PTPN5: variants seen among roughly 807,000 people sequenced by gnomAD.
PTPN5 encodes tyrosine-protein phosphatase non-receptor type 5.
A neutral mutation model predicts 73.9 loss-of-function variants in PTPN5; 29 were observed. That is an observed-to-expected ratio of 0.39 (90% confidence interval 0.29 to 0.54). PTPN5 has a LOEUF of 0.54. Ranked by LOEUF, PTPN5 falls within the 20% of genes least tolerant of loss-of-function variation. The pLI is 0.65. For missense variants in PTPN5, 652 were observed against 751.4 expected (o/e 0.87, Z 1.55); for synonymous variants, 267 against 304.7 (o/e 0.88, Z 1.29).
At position 18,742,018 on chromosome 11, in the gene PTPN5, A is replaced by G. The variant is rs1849385966; in HGVS notation, c.725+244T>C. Among the ~76,000 whole-genome samples, 4 of 152,246 alleles carry G rather than the reference A, an allele frequency of 2.6e-5. No homozygotes were observed. Among genetic ancestry groups the G allele is most frequent in the Admixed American group, 6.5e-5 (1 of 15,284 alleles). On this transcript the variant is annotated intron_variant, in intron 7 of 14. Coordinates refer to ENST00000358540, the MANE Select transcript of PTPN5 (RefSeq NM_006906.2). This position sits in a 1 kb window ranked among gnomAD's most constrained non-coding sequence, Gnocchi z 4.1. ...GAAAACCACCCAAACTTACTTGAGCATGGGAGAGTGTGTGTGAACATGTGT... is the reference window on the plus strand; with the variant it reads ...GAAAACCACCCAAACTTACTTGAGCGTGGGAGAGTGTGTGTGAACATGTGT...
intron 1 of PTPN5, among the ~76,000 whole-genome samples, chr11:18,775,665 GC>G (rs1407045352): frequency 6.6e-6 from 1 of 152,172 alleles, no homozygotes; most frequent in African/African-American, 2.4e-5. Context: ...CTGGCCCAGG[GC>G]CCAGAAGCCA....
chr11:18,733,104 A>T lies in PTPN5; in HGVS notation c.1218+131T>A. ...ATGACTTAACCTTACCGAGCCTCAC[A>T]TCTCCTCATCTTGGCAGCGGAGTGA... On this transcript the variant is annotated intron_variant, in intron 11 of 14. Transcript: ENST00000358540. The surrounding 1 kb of genome is among the most constrained non-coding windows in gnomAD (Gnocchi z 4.3). 1 of 1,366,338 alleles carries T rather than the reference A, an allele frequency of 7.3e-7. No individual in the cohort carries two copies. Among genetic ancestry groups the T allele is most frequent in the Non-Finnish European group, 1.0e-6 (1 of 1,001,380 alleles). 84.6% of individuals were successfully genotyped at this position (1,366,338 alleles called of 1,614,324 possible).
intron 1 of PTPN5, among the ~76,000 whole-genome samples, chr11:18,775,277 A>G (rs1337231407): frequency 6.6e-6 from 1 of 152,244 alleles, no homozygotes; most frequent in African/African-American, 2.4e-5. Flanking sequence ...AAGAGACAGC[A>G]TATCATGGCA....
chr11:18,729,934 G>A lies in PTPN5; in HGVS notation c.1330-116C>T. On this transcript the variant is annotated intron_variant, in intron 12 of 14. Coordinates refer to ENST00000358540, the MANE Select transcript of PTPN5 (RefSeq NM_006906.2). The surrounding 1 kb of genome is among the most constrained non-coding windows in gnomAD (Gnocchi z 5.2). ...AGAACACAGGAAGAACACTGAGAGT[G>A]GGACCCCTTCACCCTTCCATCTAGG... 2 of 1,362,166 alleles carry A rather than the reference G, an allele frequency of 1.5e-6. No homozygotes were observed. Among genetic ancestry groups the A allele is most frequent in the Non-Finnish European group, 2.1e-6 (2 of 965,014 alleles). The allele number at this position is 1,362,166 out of a possible 1,614,324, so 84.4% of individuals were successfully genotyped here. A position where few individuals can be genotyped will look rare whatever the true frequency, so the allele number is the denominator to read the frequency against.
At chr11:18,749,911 A>C (rs368248498) in intron 3 of PTPN5, among the ~76,000 whole-genome samples, 6 of 152,200 alleles carry the variant, frequency 3.9e-5, no homozygotes, top group African/African-American at 1.4e-4. Context: ...ATGAGAAAGC[A>C]AGCTCTGTCC....
At chr11:18,760,468 G>A (rs1253392757) in intron 3 of PTPN5, among the ~76,000 whole-genome samples, 1 of 152,218 alleles carries the variant, frequency 6.6e-6, no homozygotes, top group Non-Finnish European at 1.5e-5. Context: ...TACCCACAAT[G>A]ATACAGAGCA....
chr11:18,779,457 A>G (rs1369640898), intron 1 of PTPN5, among the ~76,000 whole-genome samples: 1 of 152,212 alleles, frequency 6.6e-6, no homozygotes, highest in Non-Finnish European at 1.5e-5. Context: ...AATTTAATAA[A>G]TAGCAGCTGC....
chr11:18,780,286 A>C (rs1851358854), intron 1 of PTPN5, among the ~76,000 whole-genome samples: 2 of 152,160 alleles, frequency 1.3e-5, no homozygotes, highest in African/African-American at 4.8e-5. Flanking sequence ...GAGCCCTAGG[A>C]AAGGGCGGGT....
At chr11:18,784,040 C>T (rs1239674572) in intron 1 of PTPN5, among the ~76,000 whole-genome samples, 1 of 152,174 alleles carries the variant, frequency 6.6e-6, no homozygotes, top group African/African-American at 2.4e-5. Flanking sequence ...CCTGGACTCT[C>T]TATTCCTAAG....
Position 18,742,207 on chromosome 11 carries a change from C to A in PTPN5, c.725+55G>T. 6.2e-7 allele frequency: 1 copy of A among 1,604,574 alleles called. No individual in the cohort carries two copies. Among genetic ancestry groups the A allele is most frequent in the South Asian group, 1.1e-5 (1 of 89,496 alleles). Reference sequence around the variant, plus strand: ...AGAGTCAGGCATCCACTCTTCTGATCAGGAGCTAAGAGCTCAAGGGCCCGT... The same window carrying A: ...AGAGTCAGGCATCCACTCTTCTGATAAGGAGCTAAGAGCTCAAGGGCCCGT... On this transcript the variant is annotated intron_variant, in intron 7 of 14. Coordinates refer to ENST00000358540, the MANE Select transcript of PTPN5 (RefSeq NM_006906.2). This position sits in a 1 kb window ranked among gnomAD's most constrained non-coding sequence, Gnocchi z 4.1.
At chr11:18,791,024 A>T (rs1288601680) in intron 1 of PTPN5, among the ~76,000 whole-genome samples, 1 of 151,690 alleles carries the variant, frequency 6.6e-6, no homozygotes, top group African/African-American at 2.4e-5. Flanking sequence ...GGGGGAGGGG[A>T]GCGCGCTAAG....
intron 3 of PTPN5, among the ~76,000 whole-genome samples, chr11:18,758,591 G>T (rs1388374184): frequency 1.3e-5 from 2 of 152,160 alleles, no homozygotes; most frequent in Non-Finnish European, 2.9e-5. Context: ...AAGCCACTAA[G>T]TGTTGAGATC....
At chr11:18,786,190 G>A (rs1041270833) in intron 1 of PTPN5, among the ~76,000 whole-genome samples, 1 of 126,898 alleles carries the variant, frequency 7.9e-6, no homozygotes, top group South Asian at 2.8e-4. Context: ...GTTAAAGAAT[G>A]GGGGGAATCT....
chr11:18,777,783 A>C (rs553881814), intron 1 of PTPN5, among the ~76,000 whole-genome samples: 1 of 152,244 alleles, frequency 6.6e-6, no homozygotes, highest in Admixed American at 6.5e-5. Context: ...CCATCTCACC[A>C]AAAAATAATA....
Position 18,733,200 on chromosome 11 carries a change from T to C in PTPN5, c.1218+35A>G, listed in dbSNP as rs1235991338. The C allele has an allele frequency of 6.2e-7, 1 of 1,600,378 alleles. No individual in the cohort carries two copies. The highest frequency in any genetic ancestry group is 1.3e-5 in the African/African-American group (1 of 74,836). On this transcript the variant is annotated intron_variant, in intron 11 of 14. Coordinates refer to ENST00000358540, the MANE Select transcript of PTPN5 (RefSeq NM_006906.2). This position sits in a 1 kb window ranked among gnomAD's most constrained non-coding sequence, Gnocchi z 4.3. ...AAGATACTTAGTGTAGGGCGCAATG[T>C]AGCAGACACTTAGAATGGGGACGGG...
At chr11:18,735,364 G>C (rs1849067858) in intron 9 of PTPN5, among the ~76,000 whole-genome samples, 2 of 152,108 alleles carry the variant, frequency 1.3e-5, no homozygotes, top group Non-Finnish European at 2.9e-5. Context: ...ACCTGCAGCA[G>C]AGAGGGGCAG....
chr11:18,744,691 C>G (rs139690504), intron 3 of PTPN5, among the ~76,000 whole-genome samples: 1 of 152,134 alleles, frequency 6.6e-6, no homozygotes, highest in African/African-American at 2.4e-5. Flanking sequence ...CATCCATGTG[C>G]CCCCACCCCA....
chr11:18,782,988 CAG>C (rs1779557125), intron 1 of PTPN5, among the ~76,000 whole-genome samples: 1 of 152,260 alleles, frequency 6.6e-6, no homozygotes, highest in Non-Finnish European at 1.5e-5. Flanking sequence ...TTTGGTAAGA[CAG>C]GGCTCTGTGG....
At chr11:18,749,501 C>T in intron 3 of PTPN5, 1 of 518,824 alleles carries the variant, frequency 1.9e-6, no homozygotes, top group South Asian at 1.4e-5. Context: ...GGGGCAGAAC[C>T]TTGAACCTTA....
Sources: gnomAD v4.1 joint callset for allele counts (sites outside exome capture counted in the v4.1 genomes callset) on GRCh38, gnomAD v4.1.1 for gene constraint, Gnocchi (gnomAD v3.1) non-coding constraint, MANE v1.5 for transcripts, NCBI Gene and HGNC (gene_info 2026-07-23, HGNC 2026-07-21) for gene names.